Variants in KCNH8 observed in about 807,000 individuals in gnomAD.
The protein encoded by KCNH8 is voltage-gated delayed rectifier potassium channel KCNH8.
KCNH8 carries 70 observed loss-of-function variants against 103.6 expected under a neutral mutation model. The observed-to-expected ratio is 0.68, with a 90% CI of 0.56 to 0.82. The LOEUF (loss-of-function observed/expected upper bound fraction) is 0.82, where lower values mean the gene tolerates loss of function less well. Ranked by LOEUF, KCNH8 falls within the 40% of genes least tolerant of loss-of-function variation. The pLI is 0.00. For missense variants in KCNH8, 1,217 were observed against 1,329.9 expected (o/e 0.92, Z 1.32); for synonymous variants, 498 against 489.4 (o/e 1.02, Z -0.23).
At chr3:19,154,888 A>G (rs7625953) in intron 1 of KCNH8, among the ~76,000 whole-genome samples, 9,044 of 152,302 alleles carry the variant, frequency 0.059, 849 homozygotes, top group African/African-American at 0.2. Flanking sequence ...CCCTGGCAGT[A>G]TATATTTGCT....
chr3:19,266,487 C>T (rs189275845), intron 2 of KCNH8, among the ~76,000 whole-genome samples: 61 of 152,208 alleles, frequency 4.0e-4, no homozygotes, highest in Middle Eastern at 3.4e-3. Flanking sequence ...TCAACTATGA[C>T]CTTCTGTTTC....
intron 8 of KCNH8, among the ~76,000 whole-genome samples, chr3:19,439,844 G>A (rs1215094042): frequency 6.6e-6 from 1 of 151,902 alleles, no homozygotes; most frequent in South Asian, 2.1e-4. Context: ...AGAAAAAAGG[G>A]AATAGATATT....
chr3:19,273,680 C>T (rs2064622472), intron 2 of KCNH8, among the ~76,000 whole-genome samples: 1 of 152,062 alleles, frequency 6.6e-6, no homozygotes, highest in Admixed American at 6.6e-5. Flanking sequence ...GAATATGGTG[C>T]CTCATATGTT....
intron 7 of KCNH8, among the ~76,000 whole-genome samples, chr3:19,414,660 ATAAT>A (rs2066835480): frequency 6.6e-6 from 1 of 152,094 alleles, no homozygotes; most frequent in Non-Finnish European, 1.5e-5. Context: ...TCATTACAAA[ATAAT>A]TGATTTATAT....
chr3:19,332,635 T>C (rs2065526907), intron 3 of KCNH8, among the ~76,000 whole-genome samples: 1 of 151,952 alleles, frequency 6.6e-6, no homozygotes, highest in South Asian at 2.1e-4. Flanking sequence ...TTTCTTTTTA[T>C]TTTTTTTCTT....
chr3:19,509,131 A>AACTT (rs1451766409), intron 11 of KCNH8, among the ~76,000 whole-genome samples: 2 of 152,224 alleles, frequency 1.3e-5, no homozygotes, highest in Non-Finnish European at 2.9e-5. Context: ...ATTATTACAA[A>AACTT]ACTTATGTCT....
At chr3:19,206,013 C>T (rs2063710489) in intron 1 of KCNH8, among the ~76,000 whole-genome samples, 1 of 151,574 alleles carries the variant, frequency 6.6e-6, no homozygotes, top group Non-Finnish European at 1.5e-5. Flanking sequence ...ATTCTTATGC[C>T]TTTGCATCCT....
At chr3:19,206,993 C>T (rs1317925150) in intron 1 of KCNH8, among the ~76,000 whole-genome samples, 1 of 151,954 alleles carries the variant, frequency 6.6e-6, no homozygotes, top group African/African-American at 2.4e-5. Flanking sequence ...CCTGAGTTAC[C>T]TCCAGGCAAA....
At chr3:19,157,008 T>G (rs1412413632) in intron 1 of KCNH8, among the ~76,000 whole-genome samples, 3 of 151,850 alleles carry the variant, frequency 2.0e-5, no homozygotes, top group Non-Finnish European at 4.4e-5. Context: ...TTTTGTTCTA[T>G]TAAGTATTTT....
In KCNH8 at chr3:19,152,660, G is replaced by A. The variant is rs149238534; in HGVS notation, c.76+3865G>A. On this transcript the variant is annotated intron_variant, in intron 1 of 15. Coordinates refer to ENST00000328405, the MANE Select transcript of KCNH8 (RefSeq NM_144633.3). ...AGAAATTTGTTAAAATTGATGCTGG[G>A]CGCAGTGGCTCACGCCTGTAATCCC... is the stretch of plus-strand genomic sequence containing the variant. Among the ~76,000 whole-genome samples, 77 of 152,324 alleles carry A rather than the reference G, an allele frequency of 5.1e-4. 1 individual carries two copies. In the East Asian group the frequency reaches 0.014, roughly 27 times the overall value.
At chr3:19,476,937 T>G (rs964349267) in intron 11 of KCNH8, among the ~76,000 whole-genome samples, 2 of 152,172 alleles carry the variant, frequency 1.3e-5, no homozygotes, top group African/African-American at 4.8e-5. Flanking sequence ...TTGTATATAT[T>G]GTCAATGTCT....
chr3:19,527,596 G>A (rs758762317), intron 15 of KCNH8, among the ~76,000 whole-genome samples: 18 of 152,088 alleles, frequency 1.2e-4, no homozygotes, highest in Non-Finnish European at 2.6e-4. Context: ...CTCCGGAAAT[G>A]TAGGGCAACA....
intron 7 of KCNH8, among the ~76,000 whole-genome samples, chr3:19,421,524 C>T (rs2066950881): frequency 6.6e-6 from 1 of 152,010 alleles, no homozygotes; most frequent in African/African-American, 2.4e-5. Context: ...AATTCCTTTA[C>T]ATTTCCTTTT....
intron 1 of KCNH8, among the ~76,000 whole-genome samples, chr3:19,164,279 G>A (rs186997967): frequency 8.2e-4 from 125 of 152,240 alleles, no homozygotes; most frequent in Non-Finnish European, 1.6e-3. Context: ...ACAGGAGAAG[G>A]CTTGGCTGTT....
intron 11 of KCNH8, among the ~76,000 whole-genome samples, chr3:19,472,504 AG>A (rs1315286138): frequency 6.6e-6 from 1 of 152,084 alleles, no homozygotes; most frequent in Non-Finnish European, 1.5e-5. Context: ...TTCCTGCACA[AG>A]CTCTTTTTAC....
At chr3:19,176,648 T>C (rs1218661888) in intron 1 of KCNH8, among the ~76,000 whole-genome samples, 4 of 152,184 alleles carry the variant, frequency 2.6e-5, no homozygotes, top group African/African-American at 9.6e-5. Context: ...TGCAGTGTTA[T>C]ATAGTTGAAA....
chr3:19,441,836 T>C (rs980670414), intron 8 of KCNH8, among the ~76,000 whole-genome samples: 2 of 152,140 alleles, frequency 1.3e-5, no homozygotes, highest in African/African-American at 4.8e-5. Flanking sequence ...AGAGATGTGA[T>C]ATGAGTGTGT....
At chr3:19,283,445 T>A (rs1438666393) in intron 3 of KCNH8, among the ~76,000 whole-genome samples, 1 of 152,184 alleles carries the variant, frequency 6.6e-6, no homozygotes, top group Non-Finnish European at 1.5e-5. Context: ...GTGCAAAATA[T>A]GATTTAATTT....
intron 3 of KCNH8, among the ~76,000 whole-genome samples, chr3:19,339,020 AT>A (rs1472623239): frequency 6.6e-6 from 1 of 152,114 alleles, no homozygotes. Flanking sequence ...TTATGTAGAT[AT>A]GCAGATTAGA....
Sources: gnomAD v4.1 joint callset for allele counts (sites outside exome capture counted in the v4.1 genomes callset) on GRCh38, gnomAD v4.1.1 for gene constraint, MANE v1.5 for transcripts, NCBI Gene and HGNC (gene_info 2026-07-23, HGNC 2026-07-21) for gene names.